Variants in ROBO1 observed in about 807,000 individuals in gnomAD.
ROBO1 encodes the protein roundabout guidance receptor 1, also known as roundabout homolog 1.
In ROBO1, 149 loss-of-function variants were observed where a neutral mutation model predicts 195.9. The ratio of observed to expected loss-of-function variants is 0.76; its 90% CI spans 0.67 to 0.87. ROBO1 has a LOEUF of 0.87. Among genes scored for constraint, ROBO1 ranks in the 40% least tolerant of loss-of-function variants. ROBO1 has a pLI of 0.00. For synonymous variants in ROBO1, 816 were observed against 733.2 expected, an observed-to-expected ratio of 1.11 and a Z score of -1.82; for missense variants, 1,933 against 2,068.3, an observed-to-expected ratio of 0.93 and a Z score of 1.27.
At chr3:78,923,997 A>G (rs998663239) in intron 4 of ROBO1, among the ~76,000 whole-genome samples, 2 of 152,124 alleles carry the variant, frequency 1.3e-5, no homozygotes, top group Admixed American at 1.3e-4. Flanking sequence ...GGTGATGTCT[A>G]AATTGAGTCA....
At position 78,873,432 on chromosome 3, in the gene ROBO1, G is replaced by C. The variant is rs1327966522; in HGVS notation, c.499+65169C>G. Among the ~76,000 whole-genome samples the C allele has an allele frequency of 3.3e-5, 5 of 152,240 alleles. No homozygotes were observed. In the East Asian group the frequency reaches 5.8e-4, roughly 18 times the overall value. ...CTGTCTATGAATTGAAACCCCAGCTGAAACAACATCAAAAACATGAATTCC... is the reference window on the plus strand; with the variant it reads ...CTGTCTATGAATTGAAACCCCAGCTCAAACAACATCAAAAACATGAATTCC... On this transcript the variant is annotated intron_variant, in intron 4 of 30. Transcript: ENST00000464233.
intron 4 of ROBO1, among the ~76,000 whole-genome samples, chr3:78,840,666 GT>G (rs1164887369): frequency 6.6e-6 from 1 of 152,136 alleles, no homozygotes; most frequent in Non-Finnish European, 1.5e-5. Context: ...CTTAGTTCAA[GT>G]GAATATTAAA....
chr3:79,188,065 C>A lies in ROBO1; in HGVS notation c.89-62526G>T, dbSNP rs926118391. 2.0e-5 allele frequency among the ~76,000 whole-genome samples: 3 copies of A among 152,004 alleles called. No individual in the cohort carries two copies. In the East Asian group the frequency reaches 5.8e-4, roughly 29 times the overall value. The stretch of plus-strand genomic sequence containing the variant: ...CTATTTTTATACTGAGTGCAGAATG[C>A]TCACAGATTGCAGTAGAAATCAGCC... On this transcript the variant is annotated intron_variant, in intron 2 of 30. Coordinates refer to ENST00000464233, the MANE Select transcript of ROBO1 (RefSeq NM_002941.4).
At chr3:79,173,725 G>A (rs1313783140) in intron 2 of ROBO1, among the ~76,000 whole-genome samples, 3 of 152,280 alleles carry the variant, frequency 2.0e-5, no homozygotes, top group East Asian at 1.9e-4. Flanking sequence ...GTGCAGGACC[G>A]GCAGGCAGCT....
Position 79,508,774 on chromosome 3 carries a change from T to G in ROBO1, c.88+81050A>C, listed in dbSNP as rs147164251. Among the ~76,000 whole-genome samples, 119 of 152,320 alleles carry G rather than the reference T, an allele frequency of 7.8e-4. 1 individual carries two copies. Among genetic ancestry groups the G allele is most frequent in the Non-Finnish European group, 4.4e-4 (30 of 68,024 alleles). ...TGCTCATCAAAATAAGTGACCTTCT[T>G]CTATTTAGCATGGGTTTTGTTGGAG... On this transcript the variant is annotated intron_variant, in intron 2 of 30. Transcript: ENST00000464233.
At chr3:79,621,369 A>C (rs1945003417) in intron 1 of ROBO1, among the ~76,000 whole-genome samples, 1 of 152,150 alleles carries the variant, frequency 6.6e-6, no homozygotes, top group South Asian at 2.1e-4. Flanking sequence ...GTCTGCCTGC[A>C]TCCAGGGGAT....
chr3:79,128,105 T>C (rs1369742894), intron 2 of ROBO1, among the ~76,000 whole-genome samples: 1 of 152,174 alleles, frequency 6.6e-6, no homozygotes, highest in Non-Finnish European at 1.5e-5. Context: ...AGACATTTAC[T>C]TAAATTTTTG....
intron 3 of ROBO1, among the ~76,000 whole-genome samples, chr3:79,006,333 A>AG (rs1007943978): frequency 4.6e-5 from 7 of 152,192 alleles, no homozygotes; most frequent in African/African-American, 1.7e-4. Flanking sequence ...TACAAAGAAG[A>AG]GGGGCAAACA....
intron 4 of ROBO1, among the ~76,000 whole-genome samples, chr3:78,918,278 CAG>C (rs1441687205): frequency 6.6e-6 from 1 of 151,934 alleles, no homozygotes; most frequent in Non-Finnish European, 1.5e-5. Flanking sequence ...TAAAAGAAAT[CAG>C]AGTGAAAAGC....
intron 3 of ROBO1, among the ~76,000 whole-genome samples, chr3:78,943,127 A>G (rs2040229981): frequency 6.6e-6 from 1 of 151,900 alleles, no homozygotes; most frequent in South Asian, 2.1e-4. Context: ...GAGGCAGGAG[A>G]ATGGCGTGAA....
chr3:78,823,264 G>A (rs977673870), intron 4 of ROBO1, among the ~76,000 whole-genome samples: 2 of 149,892 alleles, frequency 1.3e-5, no homozygotes, highest in Non-Finnish European at 3.0e-5. Context: ...TCGTTTCTGC[G>A]ATGCCTTTGT....
At chr3:79,682,989 G>GTAT (rs1168778010) in intron 1 of ROBO1, among the ~76,000 whole-genome samples, 109 of 143,280 alleles carry the variant, frequency 7.6e-4, no homozygotes, top group African/African-American at 2.7e-3. Context: ...AGACATATAG[G>GTAT]ATATAGCAAT....
At chr3:79,525,814 T>C (rs1316360928) in intron 2 of ROBO1, among the ~76,000 whole-genome samples, 1 of 151,872 alleles carries the variant, frequency 6.6e-6, no homozygotes, top group Non-Finnish European at 1.5e-5. Context: ...CCATATGTTG[T>C]TCAGGCTGGG....
chr3:78,952,271 T>G (rs925693476), intron 3 of ROBO1, among the ~76,000 whole-genome samples: 1 of 150,976 alleles, frequency 6.6e-6, no homozygotes, highest in Non-Finnish European at 1.5e-5. Flanking sequence ...ATTCAGTGAG[T>G]AGCTGACAGA....
intron 4 of ROBO1, among the ~76,000 whole-genome samples, chr3:78,861,684 A>G (rs1037134031): frequency 1.3e-5 from 2 of 152,196 alleles, no homozygotes; most frequent in Admixed American, 6.5e-5. Context: ...AAAGCTACCT[A>G]TTCAAGAGAG....
intron 1 of ROBO1, among the ~76,000 whole-genome samples, chr3:79,731,983 T>C (rs1386189424): frequency 2.0e-5 from 3 of 152,128 alleles, no homozygotes; most frequent in African/African-American, 7.2e-5. Context: ...ATTATGTGAT[T>C]TCTTAGTTAT....
chr3:78,679,039 G>T (rs1046084888), intron 10 of ROBO1, among the ~76,000 whole-genome samples: 19 of 152,136 alleles, frequency 1.2e-4, no homozygotes, highest in Non-Finnish European at 2.5e-4. Flanking sequence ...ATCAATAAAT[G>T]TAATCCAGCA....
At chr3:79,556,826 A>G (rs573163318) in intron 2 of ROBO1, among the ~76,000 whole-genome samples, 1 of 151,978 alleles carries the variant, frequency 6.6e-6, no homozygotes, top group African/African-American at 2.4e-5. Context: ...AGTAGTAATC[A>G]ACTTTTTACT....
intron 2 of ROBO1, among the ~76,000 whole-genome samples, chr3:79,294,186 T>C (rs1007631796): frequency 1.4e-4 from 21 of 151,986 alleles, no homozygotes; most frequent in East Asian, 9.7e-4. Flanking sequence ...TCATGCTACC[T>C]GGTTTCAAAC....
Sources: allele counts gnomAD v4.1 joint callset (sites outside exome capture counted in the v4.1 genomes callset), GRCh38; gene constraint gnomAD v4.1.1; transcripts MANE v1.5; gene names NCBI Gene and HGNC (gene_info 2026-07-23, HGNC 2026-07-21).